Variants in ENOX1 observed in about 807,000 individuals in gnomAD.
ENOX1 encodes candidate growth-related and time keeping constitutive hydroquinone (NADH) oxidase.
A neutral mutation model predicts 82.5 loss-of-function variants in ENOX1; 42 were observed. That is an observed-to-expected ratio of 0.51 (90% CI 0.40 to 0.66). ENOX1 has a LOEUF of 0.66. ENOX1 is among the 30% of genes least tolerant of loss of function. The pLI, the probability that ENOX1 is intolerant of heterozygous loss-of-function variation, is 0.00. For missense variants in ENOX1, 608 were observed against 811.6 expected, an observed-to-expected ratio of 0.75 and a Z score of 3.05; for synonymous variants, 271 against 282.2, an observed-to-expected ratio of 0.96 and a Z score of 0.40.
chr13:43,436,128 C>T (rs1320273602), intron 3 of ENOX1, among the ~76,000 whole-genome samples: 1 of 152,150 alleles, frequency 6.6e-6, no homozygotes, highest in African/African-American at 2.4e-5. Flanking sequence ...TATATAATGA[C>T]AATAGTAGTT....
chr13:43,652,837 G>A (rs2084256808), intron 2 of ENOX1, among the ~76,000 whole-genome samples: 1 of 152,150 alleles, frequency 6.6e-6, no homozygotes, highest in African/African-American at 2.4e-5. Flanking sequence ...TGGTCCAAAG[G>A]AGAAAGACAA....
intron 12 of ENOX1, among the ~76,000 whole-genome samples, chr13:43,285,603 C>A (rs971282499): frequency 6.6e-6 from 1 of 151,786 alleles, no homozygotes; most frequent in Non-Finnish European, 1.5e-5. Context: ...GTCAGGAGTT[C>A]GAGACCAGCC....
chr13:43,322,281 A>C lies in ENOX1; in HGVS notation c.1261+103T>G, dbSNP rs1043714118. 7 of 817,712 alleles carry C rather than the reference A, an allele frequency of 8.6e-6. No homozygotes were observed. The African/African-American group carries it at 1.2e-4, about 14-fold the overall frequency. 50.7% of individuals were successfully genotyped at this position (817,712 alleles called of 1,614,324 possible). ...TCACTCAAAGATGAAAGTTTAGTATAATTCAAATAAAAGTGAGTTATAGGG... is the reference window on the plus strand; with the variant it reads ...TCACTCAAAGATGAAAGTTTAGTATCATTCAAATAAAAGTGAGTTATAGGG... On this transcript the variant is annotated intron_variant, in intron 11 of 16. Coordinates refer to ENST00000690772, the MANE Select transcript of ENOX1 (RefSeq NM_001347969.2).
At chr13:43,782,988 G>C (rs934023738) in intron 1 of ENOX1, among the ~76,000 whole-genome samples, 10 of 152,146 alleles carry the variant, frequency 6.6e-5, no homozygotes, top group Admixed American at 2.0e-4. Context: ...AAACCTTAAA[G>C]AGCCCAGATC....
At chr13:43,590,241 A>G (rs1020130439) in intron 2 of ENOX1, among the ~76,000 whole-genome samples, 1 of 152,170 alleles carries the variant, frequency 6.6e-6, no homozygotes, top group African/African-American at 2.4e-5. Context: ...ATTAGAACTC[A>G]CTTGAAAAAA....
chr13:43,648,853 G>T (rs2084019394), intron 2 of ENOX1, among the ~76,000 whole-genome samples: 1 of 152,156 alleles, frequency 6.6e-6, no homozygotes, highest in Non-Finnish European at 1.5e-5. Flanking sequence ...TCTGAATATG[G>T]ATGTGGTTAG....
At chr13:43,733,514 TTGTC>T (rs1176806624) in intron 1 of ENOX1, among the ~76,000 whole-genome samples, 1 of 152,186 alleles carries the variant, frequency 6.6e-6, no homozygotes, top group Non-Finnish European at 1.5e-5. Flanking sequence ...ATCCTCAACT[TTGTC>T]TGAATGCTCC....
At chr13:43,384,480 C>G (rs577133200) in intron 5 of ENOX1, among the ~76,000 whole-genome samples, 1 of 152,200 alleles carries the variant, frequency 6.6e-6, no homozygotes, top group Admixed American at 6.5e-5. Flanking sequence ...TTCCCATAAC[C>G]CCATGAATTA....
rs568185498 is a variant in ENOX1, at chr13:43,698,697, C to T, written c.-284-31153G>A. Among the ~76,000 whole-genome samples the T allele has an allele frequency of 9.2e-5, 14 of 152,254 alleles. No homozygotes were observed. The East Asian group carries it at 2.5e-3, about 27-fold the overall frequency. On this transcript the variant is annotated intron_variant, in intron 1 of 16. Transcript: ENST00000690772. ...CAAAAATAGAAACTTTCAATCAACACTGCACTTTTCACAAAATTATAAGAG... is the reference window on the plus strand; with the variant it reads ...CAAAAATAGAAACTTTCAATCAACATTGCACTTTTCACAAAATTATAAGAG...
chr13:43,675,986 T>C (rs1052916021), intron 1 of ENOX1, among the ~76,000 whole-genome samples: 1 of 152,214 alleles, frequency 6.6e-6, no homozygotes, highest in Non-Finnish European at 1.5e-5. Flanking sequence ...AATCAAGTAT[T>C]AAGGTATATT....
chr13:43,544,767 G>A (rs971895040), intron 2 of ENOX1: 1 of 152,104 alleles, frequency 6.6e-6, no homozygotes, highest in Non-Finnish European at 1.5e-5. Context: ...CACCTTACCT[G>A]GCAGAGGTTT....
intron 10 of ENOX1, among the ~76,000 whole-genome samples, chr13:43,326,024 G>A (rs1030098607): frequency 6.6e-5 from 10 of 151,680 alleles, no homozygotes; most frequent in Admixed American, 1.3e-4. Context: ...ACGGAAAGGC[G>A]TACTTGTCCA....
chr13:43,289,352 GGTACTGGTACAAAAACAGACACC>G (rs1357212964), intron 12 of ENOX1, among the ~76,000 whole-genome samples: 7 of 152,086 alleles, frequency 4.6e-5, no homozygotes, highest in African/African-American at 1.7e-4. Context: ...AAAACAGCAT[GGTACTGGTACAAAAACAGACACC>G]TAGACCAATG....
rs1354873029 is a variant in ENOX1 at position 43,575,467 on chromosome 13, A to C, written c.-218-91315T>G. Among the ~76,000 whole-genome samples the C allele has an allele frequency of 2.6e-5, 4 of 151,888 alleles. No individual in the cohort carries two copies. In the South Asian group the frequency reaches 8.3e-4, roughly 32 times the overall value. On this transcript the variant is annotated intron_variant, in intron 2 of 16. Transcript: ENST00000690772. ...GACAGATGGGAAATACATCAACTAC[A>C]CTCTGGGCAGAGGTAAGTGACACAG...
At chr13:43,513,572 C>G (rs2077450295) in intron 2 of ENOX1, among the ~76,000 whole-genome samples, 1 of 152,218 alleles carries the variant, frequency 6.6e-6, no homozygotes, top group South Asian at 2.1e-4. Context: ...ACACAGACTT[C>G]TCCTTGTAAC....
At chr13:43,694,416 T>C (rs1235305513) in intron 1 of ENOX1, among the ~76,000 whole-genome samples, 2 of 152,188 alleles carry the variant, frequency 1.3e-5, no homozygotes, top group African/African-American at 4.8e-5. Flanking sequence ...GAGTTTATGC[T>C]TTCCCACCTG....
At chr13:43,307,834 T>C (rs2046954528) in intron 11 of ENOX1, among the ~76,000 whole-genome samples, 1 of 152,234 alleles carries the variant, frequency 6.6e-6, no homozygotes, top group South Asian at 2.1e-4. Flanking sequence ...CTGGAGAAAG[T>C]TTCTGCTATG....
At chr13:43,768,892 T>C (rs558191679) in intron 1 of ENOX1, among the ~76,000 whole-genome samples, 7 of 152,350 alleles carry the variant, frequency 4.6e-5, no homozygotes, top group Admixed American at 4.6e-4. Flanking sequence ...TTCAGTCACT[T>C]ATCATTTACA....
chr13:43,529,065 A>T (rs1281934744), intron 2 of ENOX1, among the ~76,000 whole-genome samples: 1 of 151,942 alleles, frequency 6.6e-6, no homozygotes, highest in Non-Finnish European at 1.5e-5. Flanking sequence ...TAGGTCATTT[A>T]ATCCTCATAG....
Sources: allele counts gnomAD v4.1 joint callset (sites outside exome capture counted in the v4.1 genomes callset), GRCh38; gene constraint gnomAD v4.1.1; transcripts MANE v1.5; gene names NCBI Gene and HGNC (gene_info 2026-07-23, HGNC 2026-07-21).